Variants in CLDN16 observed in about 807,000 individuals in gnomAD.
CLDN16 encodes the protein claudin-16.
In CLDN16, 13 loss-of-function variants were observed where a neutral mutation model predicts 24.6. The ratio of observed to expected loss-of-function variants is 0.53; its 90% CI spans 0.34 to 0.84. The LOEUF (loss-of-function observed/expected upper bound fraction) is 0.84, where lower values mean the gene tolerates loss of function less well. CLDN16 is among the 40% of genes least tolerant of loss of function. CLDN16 has a pLI of 0.01. For missense variants in CLDN16, 298 were observed against 292.7 expected, an observed-to-expected ratio of 1.02 and a Z score of -0.13; for synonymous variants, 116 against 106.7, an observed-to-expected ratio of 1.09 and a Z score of -0.54.
At chr3:190,315,641 CT>C in the CLDN16 span, among the ~76,000 whole-genome samples, 1 of 152,168 alleles carries the variant, frequency 6.6e-6, no homozygotes, top group African/African-American at 2.4e-5. Context: ...CATAAATACT[CT>C]TTTTCAACCT....
At chr3:190,388,122 G>T, upstream of CLDN16, 2 of 1,613,782 alleles carry the variant, frequency 1.2e-6, no homozygotes, top group South Asian at 2.2e-5. Context: ...TTCGGATAAT[G>T]ACCTCCAGGA....
At chr3:190,367,005 C>A (rs547652994) in intron 1 of CLDN16, among the ~76,000 whole-genome samples, 54 of 152,046 alleles carry the variant, frequency 3.6e-4, no homozygotes, top group South Asian at 3.5e-3. Context: ...GTTCAAAGAA[C>A]AAGATACATA....
At position 190,404,822 on chromosome 3, in the gene CLDN16, T is replaced by A. The variant is rs1326395870; in HGVS notation, c.278T>A (p.Phe93Tyr). Residue 93 changes from phenylalanine to tyrosine, a missense_variant, in exon 3 of 5, where the codon TTT becomes TAT. Coordinates refer to ENST00000264734, the MANE Select transcript of CLDN16 (RefSeq NM_006580.4). ...GCAGATATTCTAGCTGGGTTTGGAT[T>A]TCTCACCCTGCTCCTTGGTCTTGAC... Reference protein sequence around the residue: ...ITADILAGFGFLTLLLGLDCV... With the variant: ...ITADILAGFGYLTLLLGLDCV... 6.2e-7 allele frequency: 1 copy of A among 1,614,144 alleles called. No homozygotes were observed. The highest frequency in any genetic ancestry group is 8.5e-7 in the Non-Finnish European group (1 of 1,180,014).
chr3:190,328,349 T>C (rs912545763), intron 1 of CLDN16, among the ~76,000 whole-genome samples: 1 of 152,190 alleles, frequency 6.6e-6, no homozygotes, highest in African/African-American at 2.4e-5. Flanking sequence ...GATATGATAC[T>C]ACTTTCTCTC....
intron 1 of CLDN16, among the ~76,000 whole-genome samples, chr3:190,329,553 C>T (rs1437623105): frequency 2.0e-5 from 3 of 152,036 alleles, no homozygotes; most frequent in African/African-American, 7.3e-5. Context: ...TAATATTATG[C>T]ATGATTTTAG....
Position 190,388,242 on chromosome 3 carries a change from A to G in CLDN16, c.-88A>G. 1 of 1,613,946 alleles carries G rather than the reference A, an allele frequency of 6.2e-7. No individual in the cohort carries two copies. Among genetic ancestry groups the G allele is most frequent in the South Asian group, 1.1e-5 (1 of 91,068 alleles). On this transcript the variant is annotated 5_prime_UTR_variant, in exon 1 of 5. Coordinates refer to ENST00000264734, the MANE Select transcript of CLDN16 (RefSeq NM_006580.4). ...CAGTATTTTCACATTGCCAGGTACC[A>G]GAAACACAGAAGACTGACACCCGCC...
Position 190,362,656 on chromosome 3 carries a change from G to A in CLDN16, n.122-8237G>A, listed in dbSNP as rs1048462747. Among the ~76,000 whole-genome samples the A allele has an allele frequency of 3.3e-5, 5 of 152,018 alleles. No homozygotes were observed. The East Asian group carries it at 7.8e-4, about 24-fold the overall frequency. On this transcript the variant is annotated intron_variant and non_coding_transcript_variant, in intron 1 of 4. Coordinates refer to the CLDN16 transcript ENST00000468220. Reference sequence around the variant, plus strand: ...ACCAGTTGGGCAGTTACATTAGTTCGCCTTCATTTTTTGAAGAATATTTTC... The same window carrying A: ...ACCAGTTGGGCAGTTACATTAGTTCACCTTCATTTTTTGAAGAATATTTTC...
the CLDN16 span, among the ~76,000 whole-genome samples, chr3:190,290,450 A>G: frequency 6.6e-5 from 10 of 152,346 alleles, no homozygotes; most frequent in South Asian, 6.2e-4. Flanking sequence ...TCTAAATTGT[A>G]TCATTTGACC....
the CLDN16 span, chr3:190,313,298 G>A: frequency 3.7e-5 from 17 of 454,632 alleles, no homozygotes; most frequent in South Asian, 1.0e-4. Flanking sequence ...AAAATCAACT[G>A]GAAAATTAAT....
chr3:190,333,572 AT>A lies in CLDN16; in HGVS notation n.121+10912del, dbSNP rs1560080557. On this transcript the variant is annotated intron_variant and non_coding_transcript_variant, in intron 1 of 4. Coordinates refer to the CLDN16 transcript ENST00000468220. ...TATCTATCTATCTATCTATCTATCT[AT>A]CTATCTATCAATCATCTTTCTATAA... Among the ~76,000 whole-genome samples, 14 of 72,734 alleles carry A rather than the reference AT, an allele frequency of 1.9e-4. No individual in the cohort carries two copies. In the East Asian group the frequency reaches 8.3e-3, roughly 43 times the overall value. 47.7% of individuals were successfully genotyped at this position (72,734 alleles called of 152,430 possible). A position where few individuals can be genotyped will look rare whatever the true frequency, so the allele number is the denominator to read the frequency against.
chr3:190,350,954 T>C (rs1030933190), intron 1 of CLDN16, among the ~76,000 whole-genome samples: 5 of 152,140 alleles, frequency 3.3e-5, no homozygotes, highest in Admixed American at 6.6e-5. Context: ...CTCCGCCAAA[T>C]TTCATGTTGA....
At position 190,388,417 on chromosome 3, in the gene CLDN16, A is replaced by G. The variant is rs545693736; in HGVS notation, c.88A>G (p.Met30Val). The G allele has an allele frequency of 4.3e-5, 69 of 1,613,780 alleles. 1 individual carries two copies. The highest frequency in any genetic ancestry group is 6.7e-5 in the African/African-American group (5 of 74,832). Residue 30 changes from methionine to valine, a missense_variant, in exon 1 of 5, where the codon ATG (methionine) becomes GTG (valine). By Grantham distance (21) the Met-to-Val change is conservative. Transcript: ENST00000264734. Reference sequence around the variant, plus strand: ...TGTGGCCACCTGGACTGACTGTTGGATGGTGAATGCTGATGACTCTCTGGA... The same window carrying G: ...TGTGGCCACCTGGACTGACTGTTGGGTGGTGAATGCTGATGACTCTCTGGA... Reference protein sequence around the residue: ...LIVATWTDCWMVNADDSLEVS... With the variant: ...LIVATWTDCWVVNADDSLEVS...
intron 1 of CLDN16, among the ~76,000 whole-genome samples, chr3:190,396,536 T>C (rs1187280360): frequency 6.6e-6 from 1 of 152,180 alleles, no homozygotes; most frequent in East Asian, 1.9e-4. Flanking sequence ...GTATCAAGAG[T>C]AAGAGACTGT....
At chr3:190,393,013 G>A (rs1425117) in intron 1 of CLDN16, among the ~76,000 whole-genome samples, 121,842 of 152,096 alleles carry the variant, frequency 0.8, 48,974 homozygotes, top group East Asian at 0.89. Context: ...CCAGAAGGGA[G>A]ACAATAGTGG....
chr3:190,315,217 A>T, the CLDN16 span, among the ~76,000 whole-genome samples: 1 of 152,164 alleles, frequency 6.6e-6, no homozygotes, highest in Non-Finnish European at 1.5e-5. Flanking sequence ...CCTGAAGAGG[A>T]GATGCTGAAA....
At chr3:190,308,587 G>T in the CLDN16 span, 1 of 762,278 alleles carries the variant, frequency 1.3e-6, no homozygotes, top group Non-Finnish European at 2.2e-6. Context: ...TAAGATTTCT[G>T]AACATACACG....
At chr3:190,335,927 C>T (rs1406748642) in intron 1 of CLDN16, among the ~76,000 whole-genome samples, 1 of 152,032 alleles carries the variant, frequency 6.6e-6, no homozygotes, top group Non-Finnish European at 1.5e-5. Context: ...AGGATGACCC[C>T]AAACCTAGTG....
intron 1 of CLDN16, among the ~76,000 whole-genome samples, chr3:190,332,052 C>T (rs1717192087): frequency 6.6e-6 from 1 of 152,138 alleles, no homozygotes; most frequent in Non-Finnish European, 1.5e-5. Context: ...ACATTGGGCT[C>T]ATTCAGATAA....
intron 1 of CLDN16, among the ~76,000 whole-genome samples, chr3:190,344,086 T>A (rs1717497258): frequency 6.6e-6 from 1 of 152,018 alleles, no homozygotes; most frequent in South Asian, 2.1e-4. Context: ...ATAACTTAAA[T>A]GTGCACAATA....
Sources: allele counts gnomAD v4.1 joint callset (sites outside exome capture counted in the v4.1 genomes callset), GRCh38; gene constraint gnomAD v4.1.1; transcripts MANE v1.5; gene names NCBI Gene and HGNC (gene_info 2026-07-23, HGNC 2026-07-21).